Variants in EPHA5 observed in about 807,000 individuals in gnomAD.
EPHA5 encodes ephrin type-A receptor 5.
EPHA5 carries 60 observed loss-of-function variants against 105.0 expected under a neutral mutation model. The observed-to-expected ratio is 0.57, with a 90% CI of 0.46 to 0.71. The LOEUF is 0.71. Among genes scored for constraint, EPHA5 ranks in the 30% least tolerant of loss-of-function variants. The pLI, the probability that EPHA5 is intolerant of heterozygous loss-of-function variation, is 0.00. For synonymous variants in EPHA5, 513 were observed against 449.1 expected (o/e 1.14, Z -1.80); for missense variants, 1,218 against 1,274.7 (o/e 0.96, Z 0.68).
chr4:65,650,558 T>C (rs1578689781), intron 1 of EPHA5, among the ~76,000 whole-genome samples: 1 of 25,848 alleles, frequency 3.9e-5, no homozygotes, highest in Non-Finnish European at 9.2e-5. Flanking sequence ...AGACTCAGTC[T>C]CAAAAAAAAA....
At chr4:65,397,610 G>GTT (rs35764521) in intron 8 of EPHA5, among the ~76,000 whole-genome samples, 11 of 149,512 alleles carry the variant, frequency 7.4e-5, no homozygotes, top group African/African-American at 2.7e-4. Context: ...TAGATTTCTA[G>GTT]TTTTTTTTTT....
At chr4:65,392,797 T>G (rs1720850808) in intron 8 of EPHA5, among the ~76,000 whole-genome samples, 1 of 152,128 alleles carries the variant, frequency 6.6e-6, no homozygotes, top group Non-Finnish European at 1.5e-5. Context: ...ATGGGAAAAA[T>G]GGACAAACCA....
intron 13 of EPHA5, among the ~76,000 whole-genome samples, 187 bp from the exon 14 acceptor site, chr4:65,348,390 G>A (rs1445811089): frequency 3.3e-5 from 5 of 151,662 alleles, no homozygotes; most frequent in African/African-American, 1.2e-4. Flanking sequence ...CTGTCTAGAA[G>A]GTTTCTAGTT....
intron 4 of EPHA5, 80 bp downstream of exon 4, chr4:65,495,308 A>G: frequency 7.2e-7 from 1 of 1,386,934 alleles, no homozygotes; most frequent in Non-Finnish European, 9.9e-7. Context: ...AAATGTTACT[A>G]GACTATAACA....
intron 13 of EPHA5, among the ~76,000 whole-genome samples, chr4:65,348,781 G>A (rs1722512302): frequency 3.7e-4 from 4 of 10,928 alleles, no homozygotes; most frequent in Non-Finnish European, 8.3e-4. Flanking sequence ...GTGTGTGCAT[G>A]TGTGTGTGTG....
intron 5 of EPHA5, among the ~76,000 whole-genome samples, chr4:65,421,793 T>C (rs894280718): frequency 3.3e-5 from 5 of 152,128 alleles, no homozygotes; most frequent in African/African-American, 1.2e-4. Flanking sequence ...GAAAATTGTT[T>C]AGCATATAGA....
chr4:65,504,267 T>G (rs1055052592), intron 3 of EPHA5, among the ~76,000 whole-genome samples: 1 of 151,038 alleles, frequency 6.6e-6, no homozygotes, highest in Non-Finnish European at 1.5e-5. Flanking sequence ...TGGTAAAAAT[T>G]TATTATGTAC....
At chr4:65,373,632 G>T (rs1294700743) in intron 8 of EPHA5, among the ~76,000 whole-genome samples, 1 of 151,842 alleles carries the variant, frequency 6.6e-6, no homozygotes, top group Non-Finnish European at 1.5e-5. Flanking sequence ...TGCATTGTAT[G>T]TCTGAATTAT....
At chr4:65,633,165 C>T (rs1238511295) in intron 2 of EPHA5, among the ~76,000 whole-genome samples, 3 of 151,774 alleles carry the variant, frequency 2.0e-5, no homozygotes, top group African/African-American at 7.3e-5. Flanking sequence ...CAAAAAACTT[C>T]AAAAGCAAGA....
In EPHA5 at chr4:65,322,695, G is replaced by A. The variant is rs957196726; in HGVS notation, c.*1419C>T. 8.9e-6 allele frequency: 2 copies of A among 225,418 alleles called. No individual in the cohort carries two copies. The highest frequency in any genetic ancestry group is 1.8e-4 in the South Asian group (1 of 5,454). The allele number at this position is 225,418 out of a possible 1,614,324, so 14.0% of individuals were successfully genotyped here. A position where few individuals can be genotyped will look rare whatever the true frequency, so the allele number is the denominator to read the frequency against. On this transcript the variant is annotated 3_prime_UTR_variant, in exon 17 of 17. Coordinates refer to ENST00000613740, the MANE Select transcript of EPHA5 (RefSeq NM_001281766.3). ...CCTAATTACATAATACCTTGGATTG[G>A]TTCAATAAAATAAACTCAAAGCCAT...
intron 11 of EPHA5, among the ~76,000 whole-genome samples, chr4:65,360,838 T>C (rs1188587177): frequency 6.6e-6 from 1 of 151,632 alleles, no homozygotes; most frequent in Non-Finnish European, 1.5e-5. Context: ...TTTTTTTTAA[T>C]TACCTAATGT....
intron 5 of EPHA5, among the ~76,000 whole-genome samples, chr4:65,466,130 G>A (rs1728697206): frequency 6.6e-6 from 1 of 152,272 alleles, no homozygotes; most frequent in Admixed American, 6.5e-5. Context: ...GTGTGGGCAT[G>A]TGTGCCCACG....
chr4:65,669,486 G>T (rs2149569957), intron 1 of EPHA5, 76 bp downstream of exon 1: 2 of 1,281,132 alleles, frequency 1.6e-6, no homozygotes. Context: ...CGTCCAGCGC[G>T]CTGAGACCTG....
chr4:65,565,247 T>C (rs1739415736), intron 3 of EPHA5, among the ~76,000 whole-genome samples: 2 of 151,706 alleles, frequency 1.3e-5, no homozygotes, highest in Non-Finnish European at 3.0e-5. Flanking sequence ...TCAGAGTTAA[T>C]AGACCTTTAG....
intron 5 of EPHA5, among the ~76,000 whole-genome samples, chr4:65,471,494 T>TA (rs1048122445): frequency 1.3e-5 from 2 of 152,198 alleles, no homozygotes; most frequent in African/African-American, 4.8e-5. Context: ...ATGGGTATTG[T>TA]ATTAGTCTGT....
chr4:65,586,585 T>C (rs972719126), intron 3 of EPHA5, among the ~76,000 whole-genome samples: 4 of 151,946 alleles, frequency 2.6e-5, no homozygotes, highest in African/African-American at 4.8e-5. Flanking sequence ...TTAAGCTTTA[T>C]CTACTTTTTC....
chr4:65,520,443 A>AT (rs1227663072), intron 3 of EPHA5, among the ~76,000 whole-genome samples: 2 of 152,194 alleles, frequency 1.3e-5, no homozygotes, highest in Non-Finnish European at 2.9e-5. Flanking sequence ...AACCTAAGCA[A>AT]TACCATTCAG....
At chr4:65,402,155 T>C (rs1168508953) in intron 8 of EPHA5, among the ~76,000 whole-genome samples, 2 of 152,102 alleles carry the variant, frequency 1.3e-5, no homozygotes, top group African/African-American at 4.8e-5. Context: ...CTTTCAGCAC[T>C]TCTCCTTCCT....
chr4:65,512,749 T>G (rs1439570412), intron 3 of EPHA5, among the ~76,000 whole-genome samples: 1 of 152,124 alleles, frequency 6.6e-6, no homozygotes, highest in Non-Finnish European at 1.5e-5. Context: ...GTTATAGAAG[T>G]GCCAGACAGA....
Sources: gnomAD v4.1 joint callset for allele counts (sites outside exome capture counted in the v4.1 genomes callset) on GRCh38, gnomAD v4.1.1 for gene constraint, MANE v1.5 for transcripts, NCBI Gene and HGNC (gene_info 2026-07-23, HGNC 2026-07-21) for gene names.